Variants in NRG3 observed in about 807,000 individuals in gnomAD.
NRG3 encodes pro-neuregulin-3, membrane-bound isoform.
NRG3 carries 31 observed loss-of-function variants against 66.9 expected under a neutral mutation model. The observed-to-expected ratio is 0.46, with a 90% CI of 0.35 to 0.63. The LOEUF is 0.63. Ranked by LOEUF, NRG3 falls within the 20% of genes least tolerant of loss-of-function variation. The pLI, the probability that NRG3 is intolerant of heterozygous loss-of-function variation, is 0.00. For missense variants in NRG3, 910 were observed against 878.9 expected (o/e 1.04, Z -0.45); for synonymous variants, 393 against 359.4 (o/e 1.09, Z -1.06).
At chr10:82,039,601 T>G (rs2062941112) in intron 1 of NRG3, among the ~76,000 whole-genome samples, 1 of 152,122 alleles carries the variant, frequency 6.6e-6, no homozygotes, top group Non-Finnish European at 1.5e-5. Context: ...ACCCAAGGTC[T>G]TACAGTGAAC....
chr10:82,263,689 A>G, intron 1 of NRG3, among the ~76,000 whole-genome samples: 1 of 152,022 alleles, frequency 6.6e-6, no homozygotes, highest in East Asian at 1.9e-4. Context: ...AATTGTATAA[A>G]TTTTTCCATA....
At chr10:82,036,371 A>T (rs984176171) in intron 1 of NRG3, among the ~76,000 whole-genome samples, 20 of 152,098 alleles carry the variant, frequency 1.3e-4, no homozygotes, top group African/African-American at 4.6e-4. Context: ...TTTCGTAAGT[A>T]CATCCCATTT....
At chr10:82,839,637 C>A (rs1004009703) in intron 3 of NRG3, among the ~76,000 whole-genome samples, 2 of 151,278 alleles carry the variant, frequency 1.3e-5, no homozygotes, top group African/African-American at 4.8e-5. Context: ...AATAGTATTT[C>A]TATTTTTAGT....
chr10:82,665,931 G>A (rs989019538), intron 2 of NRG3, among the ~76,000 whole-genome samples: 6 of 151,916 alleles, frequency 3.9e-5, no homozygotes, highest in African/African-American at 7.3e-5. Flanking sequence ...GCGCGATCTC[G>A]GCTCACTGCA....
intron 4 of NRG3, among the ~76,000 whole-genome samples, chr10:82,881,895 G>C (rs1204508673): frequency 1.3e-5 from 2 of 152,124 alleles, no homozygotes; most frequent in African/African-American, 4.8e-5. Context: ...GAGTATGCCT[G>C]TGTGTCCAGA....
At chr10:82,877,209 C>G (rs1841903469) in intron 4 of NRG3, among the ~76,000 whole-genome samples, 1 of 151,984 alleles carries the variant, frequency 6.6e-6, no homozygotes, top group Non-Finnish European at 1.5e-5. Flanking sequence ...GATACAGGTT[C>G]TTCTCAATAA....
chr10:82,291,638 C>G (rs889938016), intron 1 of NRG3, among the ~76,000 whole-genome samples: 1 of 152,164 alleles, frequency 6.6e-6, no homozygotes, highest in Non-Finnish European at 1.5e-5. Context: ...AATAGAAATT[C>G]TTTAAATAGA....
intron 1 of NRG3, among the ~76,000 whole-genome samples, chr10:82,220,594 A>G (rs1024103059): frequency 4.6e-5 from 7 of 152,174 alleles, no homozygotes; most frequent in South Asian, 2.1e-4. Context: ...TTTATTAGAA[A>G]TATGCTTCCA....
At chr10:82,114,152 T>C (rs1037106995) in intron 1 of NRG3, among the ~76,000 whole-genome samples, 1 of 152,132 alleles carries the variant, frequency 6.6e-6, no homozygotes, top group East Asian at 1.9e-4. Context: ...TATCATCACT[T>C]TGTTCCTTTT....
intron 1 of NRG3, among the ~76,000 whole-genome samples, chr10:82,174,510 GT>G (rs758430243): frequency 6.6e-6 from 1 of 151,756 alleles, no homozygotes; most frequent in Non-Finnish European, 1.5e-5. Flanking sequence ...TCTTCTGTTT[GT>G]TTTAAGTTTA....
intron 1 of NRG3, among the ~76,000 whole-genome samples, chr10:82,351,730 T>C (rs1418133487): frequency 1.3e-5 from 2 of 152,176 alleles, no homozygotes; most frequent in Non-Finnish European, 2.9e-5. Flanking sequence ...TCATAATATT[T>C]CTAAATAAGC....
At chr10:82,017,267 T>C (rs1226396306) in intron 1 of NRG3, among the ~76,000 whole-genome samples, 2 of 152,204 alleles carry the variant, frequency 1.3e-5, no homozygotes, top group Non-Finnish European at 2.9e-5. Context: ...CATGAACTCA[T>C]CCTTTTTAAT....
At chr10:82,079,090 G>A (rs1296291278) in intron 1 of NRG3, among the ~76,000 whole-genome samples, 1 of 150,032 alleles carries the variant, frequency 6.7e-6, no homozygotes, top group Non-Finnish European at 1.5e-5. Context: ...TTTTTGAGAT[G>A]GAGTTCCACT....
intron 1 of NRG3, among the ~76,000 whole-genome samples, chr10:81,972,089 G>T (rs1161202441): frequency 6.6e-6 from 1 of 152,174 alleles, no homozygotes; most frequent in Non-Finnish European, 1.5e-5. Flanking sequence ...ATAGTACTCA[G>T]AGTGTCATGC....
At chr10:81,986,506 T>C (rs144664533) in intron 1 of NRG3, among the ~76,000 whole-genome samples, 1 of 152,206 alleles carries the variant, frequency 6.6e-6, no homozygotes, top group East Asian at 1.9e-4. Context: ...TAATCAAATA[T>C]GAAAAATCCA....
At chr10:82,643,224 T>G (rs2050702140) in intron 2 of NRG3, among the ~76,000 whole-genome samples, 1 of 152,096 alleles carries the variant, frequency 6.6e-6, no homozygotes, top group Non-Finnish European at 1.5e-5. Context: ...GAAAGATAAT[T>G]GAATCATGGT....
chr10:81,878,036 G>A (rs903265436), intron 1 of NRG3: 2 of 1,537,418 alleles, frequency 1.3e-6, no homozygotes, highest in Admixed American at 2.0e-5. Flanking sequence ...GGTATTTCAT[G>A]TTCTTTCTCA....
At chr10:82,635,975 C>A (rs771937201) in intron 2 of NRG3, among the ~76,000 whole-genome samples, 4 of 151,858 alleles carry the variant, frequency 2.6e-5, no homozygotes, top group Non-Finnish European at 5.9e-5. Flanking sequence ...TGGCTTCGTG[C>A]GTAGTGTCAA....
chr10:82,223,565 C>G (rs971326876), intron 1 of NRG3, among the ~76,000 whole-genome samples: 6 of 151,728 alleles, frequency 4.0e-5, no homozygotes, highest in African/African-American at 1.2e-4. Flanking sequence ...TTGATTTCCT[C>G]CTAAATATAC....
Sources: allele counts gnomAD v4.1 joint callset (sites outside exome capture counted in the v4.1 genomes callset), GRCh38; gene constraint gnomAD v4.1.1; transcripts MANE v1.5; gene names NCBI Gene and HGNC (gene_info 2026-07-23, HGNC 2026-07-21).